The following CYTH3 variants were observed in gnomAD, a reference collection of about 807,000 sequenced individuals.
CYTH3 encodes the protein cytohesin 3, also known as cytohesin-3.
Under a neutral mutation model 55.1 loss-of-function variants are expected in CYTH3, and 23 were observed. That is an observed-to-expected ratio of 0.42 (90% CI 0.30 to 0.59). The LOEUF (loss-of-function observed/expected upper bound fraction) is 0.59, where lower values mean the gene tolerates loss of function less well. Ranked by LOEUF, CYTH3 falls within the 20% of genes least tolerant of loss-of-function variation. The pLI, the probability that CYTH3 is intolerant of heterozygous loss-of-function variation, is 0.20. For missense variants in CYTH3, 413 were observed against 524.8 expected (o/e 0.79, Z 2.08); for synonymous variants, 249 against 194.9 (o/e 1.28, Z -2.31).
chr7:6,259,771 ATTATATATATATAATATATATATATAT>A (rs1780256871), intron 1 of CYTH3, among the ~76,000 whole-genome samples: 1 of 22,348 alleles, frequency 4.5e-5, no homozygotes, highest in Non-Finnish European at 6.2e-5. Flanking sequence ...ATATATATAT[ATTATATATATATAATATATATATATAT>A]ATATATATAT....
rs1445093703 is a variant in CYTH3, at chr7:6,171,092, G to C, written c.562+110C>G. 1.9e-6 allele frequency: 3 copies of C among 1,583,180 alleles called. No homozygotes were observed. Among genetic ancestry groups the C allele is most frequent in the Non-Finnish European group, 1.7e-6 (2 of 1,156,722 alleles). On this transcript the variant is annotated intron_variant, in intron 7 of 12. Coordinates refer to ENST00000350796, the MANE Select transcript of CYTH3 (RefSeq NM_004227.4). This position sits in a 1 kb window ranked among gnomAD's most constrained non-coding sequence, Gnocchi z 6.7. Reference sequence around the variant, plus strand: ...CCGGCCCACAGGTCGTCCTCGCTCAGGGAAGGCAGGTCCCCAGGAACACAC... The same window carrying C: ...CCGGCCCACAGGTCGTCCTCGCTCACGGAAGGCAGGTCCCCAGGAACACAC...
At chr7:6,272,351 G>T in intron 1 of CYTH3, 123 bp downstream of exon 1, 1 of 922,968 alleles carries the variant, frequency 1.1e-6, no homozygotes, top group South Asian at 4.2e-5. Context: ...AGCGGACGCC[G>T]CTGCCGCTGC....
Position 6,226,636 on chromosome 7 carries a change from TGTGA to T in CYTH3, c.35-36109_35-36106del, listed in dbSNP as rs745880339. On this transcript the variant is annotated intron_variant, in intron 1 of 12. Coordinates refer to ENST00000350796, the MANE Select transcript of CYTH3 (RefSeq NM_004227.4). The stretch of plus-strand genomic sequence containing the variant: ...TACTTCCCAACATTTCAACCCGTGT[TGTGA>T]GTATTTGTATTCCCAACTCTGACTC... Among the ~76,000 whole-genome samples, 47 of 152,356 alleles carry T rather than the reference TGTGA, an allele frequency of 3.1e-4. 1 individual carries two copies. Among genetic ancestry groups the T allele is most frequent in the African/African-American group, 1.0e-3 (43 of 41,582 alleles).
chr7:6,212,054 C>T (rs1362734070), intron 1 of CYTH3, among the ~76,000 whole-genome samples: 2 of 152,174 alleles, frequency 1.3e-5, no homozygotes, highest in East Asian at 3.9e-4. Flanking sequence ...ATTTTTTGTG[C>T]CCATTAACCA....
intron 1 of CYTH3, among the ~76,000 whole-genome samples, chr7:6,223,737 T>C (rs1334194086): frequency 2.0e-5 from 3 of 151,306 alleles, no homozygotes; most frequent in Admixed American, 6.6e-5. Flanking sequence ...CTAGAGACTT[T>C]TGTTCACGTG....
At chr7:6,211,121 C>T (rs1353328547) in intron 1 of CYTH3, among the ~76,000 whole-genome samples, 1 of 152,200 alleles carries the variant, frequency 6.6e-6, no homozygotes, top group South Asian at 2.1e-4. Flanking sequence ...TAGTGCCCTC[C>T]CTGATCCGAC....
At chr7:6,257,517 T>C (rs543296212) in intron 1 of CYTH3, among the ~76,000 whole-genome samples, 44 of 152,188 alleles carry the variant, frequency 2.9e-4, no homozygotes, top group Non-Finnish European at 4.7e-4. Context: ...ACATAAAGAT[T>C]TGCCAAATGA....
chr7:6,168,679 A>G (rs1783083845), intron 9 of CYTH3, among the ~76,000 whole-genome samples: 1 of 152,212 alleles, frequency 6.6e-6, no homozygotes, highest in East Asian at 1.9e-4. Flanking sequence ...GGTTCCCGTG[A>G]GCACTGTGTG....
chr7:6,182,251 T>C (rs1157691884), intron 4 of CYTH3, among the ~76,000 whole-genome samples: 2 of 152,202 alleles, frequency 1.3e-5, no homozygotes, highest in Non-Finnish European at 2.9e-5. Context: ...GGTTTCACCA[T>C]GTTAGCCAAG....
intron 1 of CYTH3, among the ~76,000 whole-genome samples, chr7:6,248,659 C>T (rs374329165): frequency 2.6e-5 from 4 of 152,194 alleles, no homozygotes; most frequent in South Asian, 4.1e-4. Flanking sequence ...ACCCCGGCTG[C>T]CCGTGGCCAC....
At chr7:6,210,026 T>C (rs751924838) in intron 1 of CYTH3, among the ~76,000 whole-genome samples, 11 of 152,124 alleles carry the variant, frequency 7.2e-5, no homozygotes, top group Admixed American at 6.5e-5. Flanking sequence ...TATGATACGG[T>C]AATGGTGGAT....
chr7:6,176,553 G>T (rs566474598), intron 5 of CYTH3, among the ~76,000 whole-genome samples: 4 of 152,064 alleles, frequency 2.6e-5, no homozygotes, highest in African/African-American at 9.7e-5. Context: ...GAGGCACCAC[G>T]CCTGGCCAAT....
In CYTH3 at chr7:6,164,911, G is replaced by C. The variant is rs761099797; in HGVS notation, c.*33C>G. ...CCCGCGGTGTCTTTCTGCTGGGGTT[G>C]GGTCTTTTACCTGGGTCTTTTAGCC... On this transcript the variant is annotated 3_prime_UTR_variant, in exon 13 of 13. Transcript: ENST00000350796. 1 of 1,613,320 alleles carries C rather than the reference G, an allele frequency of 6.2e-7. No individual in the cohort carries two copies. The highest frequency in any genetic ancestry group is 1.1e-5 in the South Asian group (1 of 91,066).
chr7:6,196,265 C>A (rs544049879), intron 1 of CYTH3, among the ~76,000 whole-genome samples: 5 of 151,948 alleles, frequency 3.3e-5, no homozygotes. Context: ...AGAAGAAACA[C>A]AAAGAAATCG....
intron 1 of CYTH3, among the ~76,000 whole-genome samples, chr7:6,235,059 C>A (rs1779482914): frequency 4.6e-5 from 7 of 152,276 alleles, no homozygotes; most frequent in Admixed American, 4.6e-4. Flanking sequence ...CCACTCACTC[C>A]CCAAGAGCAT....
At chr7:6,251,141 G>A (rs1779951093) in intron 1 of CYTH3, among the ~76,000 whole-genome samples, 1 of 152,190 alleles carries the variant, frequency 6.6e-6, no homozygotes, top group Non-Finnish European at 1.5e-5. Context: ...TGGACGTGGT[G>A]GCGGGCGCCT....
Position 6,259,781 on chromosome 7 carries a change from TATAATATATATA to T in CYTH3, c.34+12681_34+12692del, listed in dbSNP as rs1562417642. On this transcript the variant is annotated intron_variant, in intron 1 of 12. Transcript: ENST00000350796. ...ATTATATATATATATATTATATATA[TATAATATATATA>T]TATATATATATATATATATAATATA... Among the ~76,000 whole-genome samples the T allele has an allele frequency of 1.5e-3, 28 of 19,120 alleles. 1 individual carries two copies. The highest frequency in any genetic ancestry group is 5.1e-3 in the Admixed American group (5 of 980). The allele number at this position is 19,120 out of a possible 152,430, so 12.5% of individuals were successfully genotyped here.
At chr7:6,244,346 T>C (rs1357843564) in intron 1 of CYTH3, among the ~76,000 whole-genome samples, 2 of 152,274 alleles carry the variant, frequency 1.3e-5, no homozygotes, top group African/African-American at 4.8e-5. Flanking sequence ...CTTTTGCATG[T>C]GCATTAATTA....
At chr7:6,242,279 C>T (rs974395207) in intron 1 of CYTH3, among the ~76,000 whole-genome samples, 1 of 151,164 alleles carries the variant, frequency 6.6e-6, no homozygotes, top group Non-Finnish European at 1.5e-5. Flanking sequence ...GGTTTCACCG[C>T]GTTGGCCAGG....
Sources: gnomAD v4.1 joint callset for allele counts (sites outside exome capture counted in the v4.1 genomes callset) on GRCh38, gnomAD v4.1.1 for gene constraint, Gnocchi (gnomAD v3.1) non-coding constraint, MANE v1.5 for transcripts, NCBI Gene and HGNC (gene_info 2026-07-23, HGNC 2026-07-21) for gene names.